The following ERC2 variants were observed in gnomAD, a reference collection of about 807,000 sequenced individuals.
ERC2 encodes the protein ELKS/RAB6-interacting/CAST family member 2, also known as ERC protein 2.
Under a neutral mutation model 114.8 loss-of-function variants are expected in ERC2, and 42 were observed. That is an observed-to-expected ratio of 0.37 (90% confidence interval 0.29 to 0.47). The LOEUF (loss-of-function observed/expected upper bound fraction) is 0.47. Among genes scored for constraint, ERC2 ranks in the 20% least tolerant of loss-of-function variants. ERC2 has a pLI of 0.99. For missense variants in ERC2, 939 were observed against 1,150.7 expected, an observed-to-expected ratio of 0.82 and a Z score of 2.66; for synonymous variants, 454 against 425.5, an observed-to-expected ratio of 1.07 and a Z score of -0.82.
chr3:56,037,442 A>G (rs2074877497), intron 7 of ERC2, among the ~76,000 whole-genome samples: 1 of 152,220 alleles, frequency 6.6e-6, no homozygotes, highest in African/African-American at 2.4e-5. Context: ...CACGCAGAAG[A>G]AAGAATCTCA....
chr3:55,793,125 C>T (rs1263729808), intron 14 of ERC2, among the ~76,000 whole-genome samples: 1 of 152,130 alleles, frequency 6.6e-6, no homozygotes, highest in Non-Finnish European at 1.5e-5. Context: ...TGGAGTGCAG[C>T]GCAATCTCTG....
intron 13 of ERC2, among the ~76,000 whole-genome samples, chr3:55,926,770 A>C (rs1038696502): frequency 1.3e-5 from 2 of 152,078 alleles, no homozygotes; most frequent in African/African-American, 4.8e-5. Flanking sequence ...ACAGCACTCC[A>C]CAAGTTTTTC....
chr3:55,987,706 A>G lies in ERC2; in HGVS notation c.2256-1718T>C, dbSNP rs139704626. On this transcript the variant is annotated intron_variant, in intron 11 of 17. Transcript: ENST00000288221. ...ATTATGTTAGTACATTATTGAGCAA[A>G]TCAGAAGAAAAAATAACATTCTCTT... 1.5e-3 allele frequency among the ~76,000 whole-genome samples: 235 copies of G among 152,364 alleles called. 1 individual carries two copies. Among genetic ancestry groups the G allele is most frequent in the Non-Finnish European group, 2.9e-3 (196 of 68,038 alleles).
At chr3:55,524,028 G>A (rs1288519358) in intron 17 of ERC2, among the ~76,000 whole-genome samples, 5 of 152,150 alleles carry the variant, frequency 3.3e-5, no homozygotes, top group Non-Finnish European at 7.4e-5. Flanking sequence ...CTGAGCCTCA[G>A]TTTTCTCATC....
At chr3:55,827,396 G>GAGAGAAAA (rs2060372553) in intron 14 of ERC2, among the ~76,000 whole-genome samples, 1 of 151,466 alleles carries the variant, frequency 6.6e-6, no homozygotes, top group South Asian at 2.1e-4. Context: ...AAAAGATAAA[G>GAGAGAAAA]AGAGAAAAAG....
intron 17 of ERC2, among the ~76,000 whole-genome samples, chr3:55,609,165 A>G (rs1465588075): frequency 1.3e-5 from 2 of 152,334 alleles, no homozygotes; most frequent in East Asian, 3.9e-4. Flanking sequence ...CACAGAATTC[A>G]AAGTCTCCAT....
intron 12 of ERC2, among the ~76,000 whole-genome samples, chr3:55,964,247 T>C (rs1431463643): frequency 6.6e-6 from 1 of 152,196 alleles, no homozygotes; most frequent in East Asian, 1.9e-4. Flanking sequence ...AGCAGACGCT[T>C]AGAGAGGTTA....
intron 10 of ERC2, among the ~76,000 whole-genome samples, chr3:55,993,265 C>T (rs2071222653): frequency 6.6e-6 from 1 of 152,070 alleles, no homozygotes; most frequent in Non-Finnish European, 1.5e-5. Flanking sequence ...TATGTATCTC[C>T]AAAATCCATG....
chr3:55,823,407 C>A (rs369615496), intron 14 of ERC2, among the ~76,000 whole-genome samples: 2 of 152,152 alleles, frequency 1.3e-5, no homozygotes, highest in Non-Finnish European at 2.9e-5. Context: ...GGCAAATGGC[C>A]TTCCTACCAT....
At chr3:56,275,445 T>C (rs947407549) in intron 3 of ERC2, among the ~76,000 whole-genome samples, 5 of 152,230 alleles carry the variant, frequency 3.3e-5, no homozygotes, top group Admixed American at 2.6e-4. Flanking sequence ...GAAAGTTTCT[T>C]AGTCCCATTT....
intron 4 of ERC2, among the ~76,000 whole-genome samples, chr3:56,167,103 G>C (rs192884861): frequency 1.3e-5 from 2 of 152,210 alleles, no homozygotes; most frequent in East Asian, 3.9e-4. Context: ...AATCATGCCA[G>C]TTTTCCAAGG....
chr3:55,856,673 C>T (rs1355960261), intron 14 of ERC2, among the ~76,000 whole-genome samples: 2 of 151,960 alleles, frequency 1.3e-5, no homozygotes, highest in Non-Finnish European at 2.9e-5. Context: ...AATATCTATA[C>T]CCAAGAGAAA....
intron 6 of ERC2, among the ~76,000 whole-genome samples, chr3:56,135,510 GATA>G (rs1256905605): frequency 3.9e-5 from 6 of 152,150 alleles, no homozygotes; most frequent in African/African-American, 1.4e-4. Context: ...TAGTAGTAAT[GATA>G]ATAATAACAG....
chr3:55,626,501 C>T (rs935624518), intron 17 of ERC2, among the ~76,000 whole-genome samples: 8 of 152,226 alleles, frequency 5.3e-5, no homozygotes, highest in African/African-American at 1.9e-4. Context: ...CCATTCTTTA[C>T]ACATGCAACT....
intron 17 of ERC2, among the ~76,000 whole-genome samples, chr3:55,590,312 T>C (rs950011414): frequency 6.6e-6 from 1 of 152,188 alleles, no homozygotes; most frequent in African/African-American, 2.4e-5. Flanking sequence ...GTGCATAAGG[T>C]GCTTTCAAAC....
chr3:55,690,421 AGCTAAAGT>A (rs1237271239), intron 16 of ERC2, among the ~76,000 whole-genome samples: 1 of 152,152 alleles, frequency 6.6e-6, no homozygotes, highest in Non-Finnish European at 1.5e-5. Context: ...TCAATGGGGG[AGCTAAAGT>A]GCTGCCTCTT....
intron 14 of ERC2, among the ~76,000 whole-genome samples, chr3:55,740,816 C>T (rs2065924389): frequency 6.6e-6 from 1 of 152,084 alleles, no homozygotes; most frequent in South Asian, 2.1e-4. Context: ...TTAGCTAAGA[C>T]AGGTTGAACA....
At chr3:55,779,259 A>T (rs570314670) in intron 14 of ERC2, among the ~76,000 whole-genome samples, 5 of 149,222 alleles carry the variant, frequency 3.4e-5, no homozygotes, top group African/African-American at 9.9e-5. Context: ...AGGAGGGTGG[A>T]TCACTTGAGG....
chr3:55,863,758 C>T (rs1329445517), intron 14 of ERC2, among the ~76,000 whole-genome samples: 1 of 151,886 alleles, frequency 6.6e-6, no homozygotes, highest in African/African-American at 2.4e-5. Context: ...TTATTCAACC[C>T]AAAGTATTAA....
Sources: gnomAD v4.1 joint callset for allele counts (sites outside exome capture counted in the v4.1 genomes callset) on GRCh38, gnomAD v4.1.1 for gene constraint, MANE v1.5 for transcripts, NCBI Gene and HGNC (gene_info 2026-07-23, HGNC 2026-07-21) for gene names.